Variants in DAB1 observed in about 807,000 individuals in gnomAD.
DAB1 encodes disabled homolog 1.
In DAB1, 15 loss-of-function variants were observed where a neutral mutation model predicts 64.6. The observed-to-expected ratio is 0.23, with a 90% CI of 0.16 to 0.36. The LOEUF (loss-of-function observed/expected upper bound fraction) is 0.36, where lower values mean the gene tolerates loss of function less well. Among genes scored for constraint, DAB1 ranks in the 10% least tolerant of loss-of-function variants. DAB1 has a pLI of 1.00. For synonymous variants in DAB1, 235 were observed against 251.9 expected, an observed-to-expected ratio of 0.93 and a Z score of 0.64; for missense variants, 596 against 706.7, an observed-to-expected ratio of 0.84 and a Z score of 1.78.
At chr1:58,137,492 T>G (rs1472050292) in intron 5 of DAB1, among the ~76,000 whole-genome samples, 2 of 152,090 alleles carry the variant, frequency 1.3e-5, no homozygotes, top group Non-Finnish European at 2.9e-5. Flanking sequence ...CCTCCATCTA[T>G]CTACCCTCCA....
At position 57,453,430 on chromosome 1, in the gene DAB1, T is replaced by G. The variant is rs148557481; in HGVS notation, n.626-162264A>C. Among the ~76,000 whole-genome samples, 3 of 152,292 alleles carry G rather than the reference T, an allele frequency of 2.0e-5. No individual in the cohort carries two copies. The East Asian group carries it at 5.8e-4, about 29-fold the overall frequency. On this transcript the variant is annotated intron_variant and non_coding_transcript_variant, in intron 7 of 20. Transcript: ENST00000485760. Reference sequence around the variant, plus strand: ...AGTTGGAGAAACATCCATGTGCTCATATTTTGGAGTTAAAGGAGCCCCATA... The same window carrying G: ...AGTTGGAGAAACATCCATGTGCTCAGATTTTGGAGTTAAAGGAGCCCCATA...
chr1:57,259,695 T>G (rs370813656), intron 2 of DAB1, among the ~76,000 whole-genome samples: 1 of 152,160 alleles, frequency 6.6e-6, no homozygotes, highest in Non-Finnish European at 1.5e-5. Context: ...GCAAAACTAG[T>G]GTGCCACAGG....
intron 5 of DAB1, among the ~76,000 whole-genome samples, chr1:58,128,444 C>T (rs1440100437): frequency 7.5e-6 from 1 of 133,056 alleles, no homozygotes; most frequent in Non-Finnish European, 1.6e-5. Flanking sequence ...AATTGAATAC[C>T]CTTTATTTCC....
chr1:57,814,731 G>A (rs968367855), intron 6 of DAB1, among the ~76,000 whole-genome samples: 5 of 152,172 alleles, frequency 3.3e-5, no homozygotes, highest in Non-Finnish European at 7.3e-5. Context: ...GTTGGAACCC[G>A]CTCTTATTAG....
chr1:57,029,742 C>T (rs1646909743), intron 9 of DAB1, among the ~76,000 whole-genome samples: 2 of 152,156 alleles, frequency 1.3e-5, no homozygotes, highest in South Asian at 4.1e-4. Flanking sequence ...TGCATGGGCC[C>T]TGTAACCCTT....
intron 1 of DAB1, among the ~76,000 whole-genome samples, chr1:57,419,626 G>T (rs1303383521): frequency 6.6e-6 from 1 of 152,102 alleles, no homozygotes; most frequent in Non-Finnish European, 1.5e-5. Flanking sequence ...TAGGAGATGG[G>T]TTTTTATCTC....
chr1:57,524,153 T>C (rs1455639021), intron 7 of DAB1, among the ~76,000 whole-genome samples: 3 of 151,784 alleles, frequency 2.0e-5, no homozygotes, highest in Non-Finnish European at 4.4e-5. Context: ...AAATGGAGCT[T>C]TCGGTGGGGG....
At chr1:57,246,254 C>G (rs1175785934) in intron 2 of DAB1, among the ~76,000 whole-genome samples, 1 of 151,782 alleles carries the variant, frequency 6.6e-6, no homozygotes, top group Admixed American at 6.5e-5. Flanking sequence ...GGGCAAGAAC[C>G]TACCACCCGC....
intron 4 of DAB1, among the ~76,000 whole-genome samples, chr1:58,238,448 G>A (rs1005459226): frequency 1.3e-5 from 2 of 152,192 alleles, no homozygotes; most frequent in African/African-American, 4.8e-5. Context: ...TGACTTCCAG[G>A]TAGTTCAGAA....
At chr1:58,091,111 GC>G (rs938212883) in intron 5 of DAB1, among the ~76,000 whole-genome samples, 1 of 152,174 alleles carries the variant, frequency 6.6e-6, no homozygotes, top group South Asian at 2.1e-4. Flanking sequence ...AGACTCCTTA[GC>G]CCCCTCCGGC....
Position 57,072,361 on chromosome 1 carries a change from A to G in DAB1, c.360T>C (p.Ile120=). ...VHEISYIAKD[I]TDHRAFGYVC... is the part of the protein sequence containing the mutation. ...CATATCCAAAGGCCCGGTGATCTGT[A>G]ATGTCCTTTGCAATGTAGGATATTT... The change falls in exon 5 of 15, where the codon ATT becomes ATC. Residue 120 remains isoleucine, a synonymous_variant. Coordinates refer to ENST00000371236, the MANE Select transcript of DAB1 (RefSeq NM_001365792.1). 6.2e-7 allele frequency: 1 copy of G among 1,613,856 alleles called. No individual in the cohort carries two copies. Among genetic ancestry groups the G allele is most frequent in the South Asian group, 1.1e-5 (1 of 91,072 alleles).
chr1:57,280,512 C>A (rs1482600171), intron 2 of DAB1, among the ~76,000 whole-genome samples: 2 of 152,188 alleles, frequency 1.3e-5, no homozygotes, highest in African/African-American at 4.8e-5. Context: ...AGAGCATATA[C>A]GTAACCAGAC....
rs61093163 is a variant in DAB1, at chr1:57,453,484, T to C, written n.626-162318A>G. On this transcript the variant is annotated intron_variant and non_coding_transcript_variant, in intron 7 of 20. Coordinates refer to the DAB1 transcript ENST00000485760. Reference sequence around the variant, plus strand: ...TTTTACTGAAACTTGTTCTTCAGTATATTATCAGAAAGCATGATGCAATTC... The same window carrying C: ...TTTTACTGAAACTTGTTCTTCAGTACATTATCAGAAAGCATGATGCAATTC... 8.9e-3 allele frequency among the ~76,000 whole-genome samples: 1,355 copies of C among 152,266 alleles called. 30 individuals carry two copies. Among genetic ancestry groups the C allele is most frequent in the African/African-American group, 0.03 (1,247 of 41,558 alleles).
intron 1 of DAB1, among the ~76,000 whole-genome samples, chr1:57,355,777 C>T (rs1679042706): frequency 6.6e-6 from 1 of 151,616 alleles, no homozygotes; most frequent in African/African-American, 2.4e-5. Context: ...TTATGAAAAG[C>T]TTTGTACATA....
intron 2 of DAB1, among the ~76,000 whole-genome samples, chr1:58,514,479 G>C (rs531197942): frequency 6.6e-6 from 1 of 152,212 alleles, no homozygotes; most frequent in South Asian, 2.1e-4. Context: ...GTATTCACTA[G>C]ACACTCCAAC....
intron 1 of DAB1, among the ~76,000 whole-genome samples, chr1:57,332,651 G>A (rs1000750293): frequency 2.0e-5 from 3 of 151,952 alleles, no homozygotes; most frequent in African/African-American, 7.3e-5. Flanking sequence ...ATCTTTCTCT[G>A]TGACCAGAAA....
intron 7 of DAB1, among the ~76,000 whole-genome samples, chr1:57,518,474 A>G (rs1409514912): frequency 6.6e-6 from 1 of 152,230 alleles, no homozygotes; most frequent in Admixed American, 6.5e-5. Context: ...TACATATTTC[A>G]GATACTCTTT....
chr1:57,031,918 G>C (rs551996559), intron 9 of DAB1, among the ~76,000 whole-genome samples: 21 of 152,200 alleles, frequency 1.4e-4, no homozygotes, highest in Non-Finnish European at 2.6e-4. Flanking sequence ...TTTTCCAGGG[G>C]TAAGAAGAGT....
chr1:58,145,143 G>A (rs1349772161), intron 5 of DAB1, among the ~76,000 whole-genome samples: 1 of 152,236 alleles, frequency 6.6e-6, no homozygotes, highest in Non-Finnish European at 1.5e-5. Flanking sequence ...GCCCAAACCA[G>A]CTTCACATGC....
Sources: gnomAD v4.1 joint callset for allele counts (sites outside exome capture counted in the v4.1 genomes callset) on GRCh38, gnomAD v4.1.1 for gene constraint, MANE v1.5 for transcripts, NCBI Gene and HGNC (gene_info 2026-07-23, HGNC 2026-07-21) for gene names.